The following CCDC33 variants were observed in gnomAD, a reference collection of about 807,000 sequenced individuals.
The protein encoded by CCDC33 is coiled-coil domain-containing protein 33.
A neutral mutation model predicts 91.9 loss-of-function variants in CCDC33; 94 were observed. The ratio of observed to expected loss-of-function variants is 1.02; its 90% CI spans 0.87 to 1.21. CCDC33 has a LOEUF of 1.21. Among genes scored for constraint, CCDC33 ranks in the 50% most tolerant of loss-of-function variants. The pLI is 0.00. For synonymous variants in CCDC33, 396 were observed against 374.5 expected (o/e 1.06, Z -0.66); for missense variants, 940 against 935.5 (o/e 1.00, Z -0.06).
chr15:74,247,198 G>A (rs1287912661), intron 2 of CCDC33, among the ~76,000 whole-genome samples: 1 of 152,066 alleles, frequency 6.6e-6, no homozygotes, highest in African/African-American at 2.4e-5. Flanking sequence ...GCCTGGTGCA[G>A]TGGCTCATGC....
intron 2 of CCDC33, among the ~76,000 whole-genome samples, chr15:74,248,950 A>G (rs1012819331): frequency 1.3e-5 from 2 of 152,176 alleles, no homozygotes; most frequent in Admixed American, 6.5e-5. Flanking sequence ...TAATGTATAC[A>G]GTGGTCCATT....
chr15:74,298,199 T>C (rs1408672199), intron 11 of CCDC33, among the ~76,000 whole-genome samples: 2 of 152,108 alleles, frequency 1.3e-5, no homozygotes, highest in African/African-American at 4.8e-5. Flanking sequence ...CTGTGGGAAG[T>C]GAGACACAAA....
At chr15:74,248,072 G>A (rs1012108256) in intron 2 of CCDC33, among the ~76,000 whole-genome samples, 10 of 151,142 alleles carry the variant, frequency 6.6e-5, no homozygotes, top group African/African-American at 9.7e-5. Context: ...GTGAGACTCC[G>A]TCTAAAAAAA....
At chr15:74,262,937 A>G (rs531611842) in intron 3 of CCDC33, among the ~76,000 whole-genome samples, 2 of 152,264 alleles carry the variant, frequency 1.3e-5, no homozygotes, top group South Asian at 4.2e-4. Context: ...AGGAGGAGCA[A>G]TGCTGCTCCC....
At chr15:74,205,490 AACTC>A (rs2074239643) in intron 1 of CCDC33, among the ~76,000 whole-genome samples, 1 of 152,168 alleles carries the variant, frequency 6.6e-6, no homozygotes, top group Admixed American at 6.5e-5. Context: ...ATAGAGCGAG[AACTC>A]ACTCATTACC....
At chr15:74,260,267 C>G (rs1447387826) in intron 2 of CCDC33, among the ~76,000 whole-genome samples, 2 of 152,170 alleles carry the variant, frequency 1.3e-5, no homozygotes, top group Non-Finnish European at 2.9e-5. Flanking sequence ...ACGTTCCTGC[C>G]AGGCTTCTGC....
chr15:74,293,856 G>T (rs1348721103), intron 10 of CCDC33, among the ~76,000 whole-genome samples: 1 of 152,188 alleles, frequency 6.6e-6, no homozygotes, highest in Non-Finnish European at 1.5e-5. Flanking sequence ...GGGGGACATA[G>T]AGCCCAGACT....
At chr15:74,204,311 T>G (rs2074205983) in intron 1 of CCDC33, among the ~76,000 whole-genome samples, 1 of 152,210 alleles carries the variant, frequency 6.6e-6, no homozygotes, top group Admixed American at 6.5e-5. Flanking sequence ...GCTCAGCGCC[T>G]GGCCCTTGGG....
chr15:74,267,660 AAG>A (rs1192445453), intron 4 of CCDC33, among the ~76,000 whole-genome samples: 3 of 152,044 alleles, frequency 2.0e-5, no homozygotes, highest in Non-Finnish European at 4.4e-5. Context: ...GAACAATGTG[AAG>A]CCAGACTGTC....
chr15:74,231,199 G>A (rs2074961631), intron 2 of CCDC33, among the ~76,000 whole-genome samples: 1 of 152,174 alleles, frequency 6.6e-6, no homozygotes, highest in Non-Finnish European at 1.5e-5. Context: ...CCTAAAGACA[G>A]CAGCCTGCAT....
At chr15:74,329,092 A>T (rs918439752) in intron 11 of CCDC33, among the ~76,000 whole-genome samples, 1 of 152,146 alleles carries the variant, frequency 6.6e-6, no homozygotes, top group Non-Finnish European at 1.5e-5. Context: ...CCTTTGTGAA[A>T]CTTTATAAAT....
intron 2 of CCDC33, among the ~76,000 whole-genome samples, chr15:74,250,437 T>A (rs2075672134): frequency 1.3e-5 from 2 of 152,022 alleles, no homozygotes; most frequent in African/African-American, 4.8e-5. Flanking sequence ...CCCTGTTCCC[T>A]CCCACCCTAG....
chr15:74,332,623 A>G, intron 15 of CCDC33, 56 bp from the exon 16 acceptor site: 3 of 1,590,500 alleles, frequency 1.9e-6, no homozygotes, highest in Non-Finnish European at 2.6e-6. Context: ...AGATCAGGAC[A>G]GGGACATGGG....
chr15:74,330,268 A>T lies in CCDC33; in HGVS notation c.1370A>T (p.Glu457Val). 6.2e-7 allele frequency: 1 copy of T among 1,612,886 alleles called. No homozygotes were observed. Among genetic ancestry groups the T allele is most frequent in the Non-Finnish European group, 8.5e-7 (1 of 1,179,870 alleles). ...LSLRRQASILEGENRILRSRL... is the reference protein window; with the variant it reads ...LSLRRQASILVGENRILRSRL... ...CTGCGGAGACAGGCCAGCATCCTGGAAGGAGAGAACCGCATACTGAGGAGC... is the reference window on the plus strand; with the variant it reads ...CTGCGGAGACAGGCCAGCATCCTGGTAGGAGAGAACCGCATACTGAGGAGC... The change falls in exon 12 of 19, where the codon GAA (glutamate) becomes GTA (valine). Residue 457 changes from glutamate to valine, a missense_variant. By Grantham distance (121) the Glu-to-Val change is moderately radical (BLOSUM62 -2). Transcript: ENST00000398814.
upstream of CCDC33, among the ~76,000 whole-genome samples, chr15:74,215,373 G>A (rs913345983): frequency 5.9e-5 from 9 of 152,192 alleles, no homozygotes; most frequent in Non-Finnish European, 1.0e-4. Flanking sequence ...CCAGGAGCTG[G>A]GGGGAGGTGG....
At chr15:74,239,309 A>G (rs74023454) in intron 1 of CCDC33, among the ~76,000 whole-genome samples, 4,326 of 151,650 alleles carry the variant, frequency 0.029, 216 homozygotes, top group African/African-American at 0.1. Flanking sequence ...GCACCCCCCA[A>G]CCCACCCGCG....
intron 16 of CCDC33, 90 bp from the exon 17 acceptor site, chr15:74,333,791 G>T: frequency 9.6e-7 from 1 of 1,043,126 alleles, no homozygotes; most frequent in East Asian, 2.4e-5. Flanking sequence ...AGGCCTGACT[G>T]GTTTCTTCCT....
chr15:74,318,852 T>C (rs927556257), intron 11 of CCDC33, among the ~76,000 whole-genome samples: 4 of 152,156 alleles, frequency 2.6e-5, no homozygotes, highest in Admixed American at 2.6e-4. Flanking sequence ...GGCCCCTGGC[T>C]CCAGCCTAGG....
chr15:74,263,053 C>T (rs547424597), intron 3 of CCDC33, among the ~76,000 whole-genome samples: 13 of 152,306 alleles, frequency 8.5e-5, no homozygotes, highest in South Asian at 2.1e-4. Context: ...CCAGGGTTCC[C>T]GCTGCTTCCA....
Sources: allele counts gnomAD v4.1 joint callset (sites outside exome capture counted in the v4.1 genomes callset), GRCh38; gene constraint gnomAD v4.1.1; transcripts MANE v1.5; gene names NCBI Gene and HGNC (gene_info 2026-07-23, HGNC 2026-07-21).